NWD2: variants seen among roughly 807,000 people sequenced by gnomAD.
NWD2 encodes NACHT and WD repeat domain containing 2, also known as NACHT and WD repeat domain-containing protein 2.
A neutral mutation model predicts 132.7 loss-of-function variants in NWD2; 37 were observed. That is an observed-to-expected ratio of 0.28 (90% CI 0.21 to 0.37). NWD2 has a LOEUF of 0.37. Among genes scored for constraint, NWD2 ranks in the 10% least tolerant of loss-of-function variants. The probability of loss-of-function intolerance (pLI) is 1.00; values close to 1 mark genes in which losing one functional copy is unlikely to be tolerated. For synonymous variants in NWD2, 705 were observed against 803.0 expected (o/e 0.88, Z 2.06); for missense variants, 1,592 against 2,122.4 (o/e 0.75, Z 4.91).
In NWD2 at chr4:37,444,394, A is replaced by G; in HGVS notation, c.2406A>G (p.Glu802=). Residue 802 remains glutamate (E), a synonymous_variant, in exon 7 of 7, where the codon GAA becomes GAG. Coordinates refer to ENST00000309447, the MANE Select transcript of NWD2 (RefSeq NM_001144990.2). The surrounding 1 kb of genome is among the most constrained non-coding windows in gnomAD (Gnocchi z 4.8). ...TGGAGGAAGAAAAGCACTTCATGGA[A>G]CAGGCTTCCTTTGACAGGCAGGCTC... The part of the protein sequence containing the change: ...SLLEEEKHFM[E]QASFDRQAPD... The G allele has an allele frequency of 6.4e-7, 1 of 1,552,158 alleles. No homozygotes were observed.
At chr4:37,352,545 C>G (rs1372645146) in intron 2 of NWD2, among the ~76,000 whole-genome samples, 1 of 152,140 alleles carries the variant, frequency 6.6e-6, no homozygotes, top group African/African-American at 2.4e-5. Flanking sequence ...TCTGGGTGCT[C>G]CTGTATTGGG....
chr4:37,425,424 T>C (rs186763935), intron 3 of NWD2, among the ~76,000 whole-genome samples: 1 of 152,342 alleles, frequency 6.6e-6, no homozygotes, highest in African/African-American at 2.4e-5. Context: ...TCTTCAGTGT[T>C]TAAGAATAGG....
At chr4:37,422,909 A>G (rs1316390404) in intron 3 of NWD2, among the ~76,000 whole-genome samples, 1 of 152,132 alleles carries the variant, frequency 6.6e-6, no homozygotes, top group East Asian at 1.9e-4. Context: ...CCCTTTGTCA[A>G]TATATCCTAT....
At chr4:37,410,751 C>T (rs1721138979) in intron 3 of NWD2, among the ~76,000 whole-genome samples, 1 of 152,160 alleles carries the variant, frequency 6.6e-6, no homozygotes, top group African/African-American at 2.4e-5. Context: ...GGAAGTAAAA[C>T]ACTCCTCAGC....
At chr4:37,371,686 T>G (rs1720232723) in intron 3 of NWD2, among the ~76,000 whole-genome samples, 1 of 152,232 alleles carries the variant, frequency 6.6e-6, no homozygotes, top group South Asian at 2.1e-4. Context: ...TTTCACCCAA[T>G]TCTCTTTTTT....
intron 1 of NWD2, among the ~76,000 whole-genome samples, chr4:37,249,938 A>C (rs1717318394): frequency 6.6e-6 from 1 of 152,200 alleles, no homozygotes; most frequent in Non-Finnish European, 1.5e-5. Context: ...TTATATGTGT[A>C]CATGGGTTCA....
intron 2 of NWD2, among the ~76,000 whole-genome samples, chr4:37,335,388 G>C (rs1489642818): frequency 6.6e-6 from 1 of 151,712 alleles, no homozygotes; most frequent in South Asian, 2.1e-4. Flanking sequence ...CCTTCTATGA[G>C]ATTCCAGAGT....
intron 1 of NWD2, among the ~76,000 whole-genome samples, chr4:37,309,367 C>G (rs1170124867): frequency 1.3e-5 from 2 of 152,106 alleles, no homozygotes; most frequent in African/African-American, 4.8e-5. Context: ...ACTAGATCAC[C>G]TGTTCCCTTG....
chr4:37,348,542 A>ATCCCT lies in NWD2; in HGVS notation c.241-7821_241-7817dup, dbSNP rs541983304. Reference sequence around the variant, plus strand: ...CAGGCCATGACCAACCAGTGAAGCCATCCCTTCTCACACTTGCCAACTTTT... The same window carrying ATCCCT: ...CAGGCCATGACCAACCAGTGAAGCCATCCCTTCCCTTCTCACACTTGCCAACTTTT... On this transcript the variant is annotated intron_variant, in intron 2 of 6. Coordinates refer to ENST00000309447, the MANE Select transcript of NWD2 (RefSeq NM_001144990.2). Among the ~76,000 whole-genome samples the ATCCCT allele has an allele frequency of 4.4e-4, 63 of 144,558 alleles. No homozygotes were observed. The South Asian group carries it at 0.014, about 32-fold the overall frequency. 94.8% of individuals were successfully genotyped at this position (144,558 alleles called of 152,430 possible).
At chr4:37,414,671 TACAGTGA>T (rs1203252405) in intron 3 of NWD2, among the ~76,000 whole-genome samples, 1 of 152,138 alleles carries the variant, frequency 6.6e-6, no homozygotes, top group African/African-American at 2.4e-5. Context: ...TGGAAGTGGG[TACAGTGA>T]CAGCAGGAAA....
intron 1 of NWD2, among the ~76,000 whole-genome samples, chr4:37,278,720 GAACTGGACCAGGCCATAGCCAAAGAGAA>G (rs1472617810): frequency 6.6e-6 from 1 of 152,138 alleles, no homozygotes; most frequent in East Asian, 1.9e-4. Context: ...TCAGTGTGAT[GAACTGGACCAGGCCATAGCCAAAGAGAA>G]ATGGGCCATT....
At chr4:37,291,762 TGA>T (rs1291101342) in intron 1 of NWD2, among the ~76,000 whole-genome samples, 1 of 152,178 alleles carries the variant, frequency 6.6e-6, no homozygotes, top group Non-Finnish European at 1.5e-5. Context: ...GTTTTTCATA[TGA>T]GAGATAACTC....
intron 1 of NWD2, among the ~76,000 whole-genome samples, chr4:37,253,663 A>G (rs919907191): frequency 2.2e-5 from 3 of 139,530 alleles, no homozygotes; most frequent in African/African-American, 7.3e-5. Context: ...ATCTGTACAC[A>G]TGTTTCAGAT....
In NWD2 at chr4:37,445,207, A is replaced by G. The variant is rs115501832; in HGVS notation, c.3219A>G (p.Ala1073=). ...CACTGTCCGCCAACCACGCCCTTGC[A>G]TGGCTCGAAGCCAGCAAAGATGTCA... The part of the protein sequence containing the change: ...GFTLSANHAL[A]WLEASKDVTV... Residue 1073 remains alanine (A), a synonymous_variant, in exon 7 of 7, where the codon GCA becomes GCG. Transcript: ENST00000309447. This position sits in a 1 kb window ranked among gnomAD's most constrained non-coding sequence, Gnocchi z 4.7. 6.4e-6 allele frequency: 10 copies of G among 1,551,916 alleles called. No homozygotes were observed. Among genetic ancestry groups the G allele is most frequent in the South Asian group, 1.2e-5 (1 of 84,060 alleles).
Position 37,446,157 on chromosome 4 carries a change from A to T in NWD2, c.4169A>T (p.Glu1390Val). 6.4e-7 allele frequency: 1 copy of T among 1,551,748 alleles called. No individual in the cohort carries two copies. ...SQYVWHTSSGENLFRINGQRI... is the reference protein window; with the variant it reads ...SQYVWHTSSGVNLFRINGQRI... ...TATGTCTGGCACACCAGCAGTGGTGAAAACCTTTTTCGAATTAACGGGCAG... is the reference window on the plus strand; with the variant it reads ...TATGTCTGGCACACCAGCAGTGGTGTAAACCTTTTTCGAATTAACGGGCAG... Residue 1390 changes from glutamate to valine, a missense_variant, in exon 7 of 7, where the codon GAA becomes GTA. By Grantham distance (121) the Glu-to-Val change is moderately radical. Coordinates refer to ENST00000309447, the MANE Select transcript of NWD2 (RefSeq NM_001144990.2). The surrounding 1 kb of genome is among the most constrained non-coding windows in gnomAD (Gnocchi z 6.7).
intron 3 of NWD2, among the ~76,000 whole-genome samples, chr4:37,416,546 G>A (rs890802425): frequency 3.3e-5 from 5 of 152,104 alleles, no homozygotes; most frequent in African/African-American, 1.2e-4. Context: ...ACAGTGTGGA[G>A]ATTCCCTAAG....
At chr4:37,360,010 C>T (rs1469804338) in intron 3 of NWD2, among the ~76,000 whole-genome samples, 1 of 151,814 alleles carries the variant, frequency 6.6e-6, no homozygotes, top group Non-Finnish European at 1.5e-5. Flanking sequence ...TAGAGAGAGG[C>T]AAGTACAGTG....
chr4:37,430,869 A>G, intron 4 of NWD2, 94 bp downstream of exon 4: 2 of 1,131,036 alleles, frequency 1.8e-6, no homozygotes, highest in African/African-American at 3.1e-5. Flanking sequence ...GAAAAGGCAG[A>G]GTAGACAGAA....
At chr4:37,346,078 T>A (rs1432122098) in intron 2 of NWD2, among the ~76,000 whole-genome samples, 2 of 140,834 alleles carry the variant, frequency 1.4e-5, no homozygotes. Flanking sequence ...GGATACTCTG[T>A]CTCAAAAAAA....
Sources: gnomAD v4.1 joint callset for allele counts (sites outside exome capture counted in the v4.1 genomes callset) on GRCh38, gnomAD v4.1.1 for gene constraint, Gnocchi (gnomAD v3.1) non-coding constraint, MANE v1.5 for transcripts, NCBI Gene and HGNC (gene_info 2026-07-23, HGNC 2026-07-21) for gene names.